Variants in VAX2 observed in about 807,000 individuals in gnomAD.
The protein encoded by VAX2 is ventral anterior homeobox 2.
VAX2 carries 8 observed loss-of-function variants against 12.5 expected under a neutral mutation model. The ratio of observed to expected loss-of-function variants is 0.64; its 90% CI spans 0.37 to 1.15. The LOEUF (loss-of-function observed/expected upper bound fraction) is 1.15. VAX2 is among the 50% of genes most tolerant of loss of function. VAX2 has a pLI of 0.01. For synonymous variants in VAX2, 183 were observed against 187.6 expected, an observed-to-expected ratio of 0.98 and a Z score of 0.20; for missense variants, 476 against 412.9, an observed-to-expected ratio of 1.15 and a Z score of -1.32.
chr2:70,907,792 C>A (rs560666212), intron 1 of VAX2, among the ~76,000 whole-genome samples: 2 of 152,306 alleles, frequency 1.3e-5, no homozygotes, highest in South Asian at 4.1e-4. Flanking sequence ...CAATTCTGGG[C>A]GAGTCCTTCC....
Position 70,918,403 on chromosome 2 carries a change from T to A in VAX2, c.248-2695T>A, listed in dbSNP as rs547262059. On this transcript the variant is annotated intron_variant, in intron 1 of 2. Transcript: ENST00000234392. ...GACGCTTGGAGGGAGGGGCTCAGGG[T>A]AACCCTCTAGAGCAGGGATTCTCAA... 1.1e-4 allele frequency among the ~76,000 whole-genome samples: 17 copies of A among 152,242 alleles called. 1 individual carries two copies. The highest frequency in any genetic ancestry group is 3.4e-4 in the African/African-American group (14 of 41,562).
chr2:70,930,053 G>A (rs982346626), intron 2 of VAX2, among the ~76,000 whole-genome samples: 7 of 152,146 alleles, frequency 4.6e-5, no homozygotes, highest in Admixed American at 1.3e-4. Context: ...ATCTGCATCC[G>A]CCAGGTGCGG....
At chr2:70,922,570 C>A (rs1336083453) in intron 2 of VAX2, among the ~76,000 whole-genome samples, 1 of 151,256 alleles carries the variant, frequency 6.6e-6, no homozygotes, top group Non-Finnish European at 1.5e-5. Context: ...GAGAGGTTAG[C>A]AGGTTCCTCC....
chr2:70,917,804 G>A (rs530984873), intron 1 of VAX2, among the ~76,000 whole-genome samples: 2 of 152,190 alleles, frequency 1.3e-5, no homozygotes, highest in Non-Finnish European at 1.5e-5. Flanking sequence ...CATGTTTAGG[G>A]ACTCAGGCTC....
chr2:70,902,597 TC>T (rs1202138137), intron 1 of VAX2, among the ~76,000 whole-genome samples: 1 of 152,108 alleles, frequency 6.6e-6, no homozygotes, highest in African/African-American at 2.4e-5. Flanking sequence ...GACATTTTCT[TC>T]CCCCCAGGAC....
rs139986921 is a variant in VAX2, at chr2:70,915,662, T to A, written c.248-5436T>A. The stretch of plus-strand genomic sequence containing the variant: ...GATTTGGTCTTTAATCCAGTTGAAA[T>A]GTGTTGTTATTTATGGAGCGAGATA... On this transcript the variant is annotated intron_variant, in intron 1 of 2. Transcript: ENST00000234392. Among the ~76,000 whole-genome samples the A allele has an allele frequency of 2.0e-5, 3 of 152,374 alleles. No individual in the cohort carries two copies. In the East Asian group the frequency reaches 5.8e-4, roughly 29 times the overall value.
In VAX2 at chr2:70,900,683, G is replaced by A; in HGVS notation, c.62G>A (p.Gly21Asp). 8 of 1,298,292 alleles carry A rather than the reference G, an allele frequency of 6.2e-6. No individual in the cohort carries two copies. Among genetic ancestry groups the A allele is most frequent in the Non-Finnish European group, 7.8e-6 (8 of 1,022,438 alleles). The allele number at this position is 1,298,292 out of a possible 1,614,324, so 80.4% of individuals were successfully genotyped here. Residue 21 changes from glycine to aspartate, a missense_variant, in exon 1 of 3, where the codon GGC becomes GAC. Gly to Asp is a moderately conservative substitution (Grantham distance 94, BLOSUM62 -1). Coordinates refer to ENST00000234392, the MANE Select transcript of VAX2 (RefSeq NM_012476.3). Reference protein sequence around the residue: ...GPARRAESGGGGGRCGDRSGA... With the variant: ...GPARRAESGGDGGRCGDRSGA... The stretch of plus-strand genomic sequence containing the variant: ...GCGCGCCGGGCGGAGTCTGGTGGCG[G>A]CGGTGGGCGCTGCGGAGACCGCAGC...
Position 70,900,653 on chromosome 2 carries a change from G to T in VAX2, c.32G>T (p.Gly11Val). 2 of 1,280,150 alleles carry T rather than the reference G, an allele frequency of 1.6e-6. No homozygotes were observed. The highest frequency in any genetic ancestry group is 2.0e-6 in the Non-Finnish European group (2 of 1,013,448). 79.3% of individuals were successfully genotyped at this position (1,280,150 alleles called of 1,614,324 possible). ...GATGGGGGCGCCGAGCGCGACCGGG[G>T]CCCCGCGCGCCGGGCGGAGTCTGGT... MGDGGAERDR[G>V]PARRAESGGG... The change falls in exon 1 of 3, where the codon GGC becomes GTC. Residue 11 changes from glycine to valine, a missense_variant. Transcript: ENST00000234392.
chr2:70,923,978 T>G (rs951483699), intron 2 of VAX2, among the ~76,000 whole-genome samples: 2 of 151,896 alleles, frequency 1.3e-5, no homozygotes, highest in East Asian at 3.9e-4. Context: ...CTAAAAAAAG[T>G]TTTTTAAAAC....
Position 70,900,713 on chromosome 2 carries a change from C to G in VAX2, c.92C>G (p.Ala31Gly), listed in dbSNP as rs1553409596. Reference protein sequence around the residue: ...GGGRCGDRSGAGDLRADGGGH... With the variant: ...GGGRCGDRSGGGDLRADGGGH... ...GGGCGCTGCGGAGACCGCAGCGGAG[C>G]GGGGGACTTGCGAGCTGATGGCGGT... The change falls in exon 1 of 3, where the codon GCG (alanine) becomes GGG (glycine). Residue 31 changes from alanine to glycine, a missense_variant. By Grantham distance (60) the Ala-to-Gly change is moderately conservative. Coordinates refer to ENST00000234392, the MANE Select transcript of VAX2 (RefSeq NM_012476.3). 1.4e-6 allele frequency: 2 copies of G among 1,386,454 alleles called. No individual in the cohort carries two copies. The highest frequency in any genetic ancestry group is 1.5e-5 in the African/African-American group (1 of 66,694). 85.9% of individuals were successfully genotyped at this position (1,386,454 alleles called of 1,614,324 possible). A position where few individuals can be genotyped will look rare whatever the true frequency, so the allele number is the denominator to read the frequency against.
chr2:70,917,023 C>T (rs1450557228), intron 1 of VAX2, among the ~76,000 whole-genome samples: 2 of 151,798 alleles, frequency 1.3e-5, no homozygotes, highest in Non-Finnish European at 2.9e-5. Flanking sequence ...TGGTGGCAGG[C>T]GCCTGTAATC....
chr2:70,910,922 T>G (rs1309834667), intron 1 of VAX2, among the ~76,000 whole-genome samples: 1 of 151,892 alleles, frequency 6.6e-6, no homozygotes, highest in Non-Finnish European at 1.5e-5. Flanking sequence ...GGCTTCTAGA[T>G]TCTAGCTCCT....
chr2:70,915,863 C>G (rs1679296923), intron 1 of VAX2, among the ~76,000 whole-genome samples: 1 of 151,962 alleles, frequency 6.6e-6, no homozygotes, highest in Admixed American at 6.6e-5. Context: ...GCTATTGTTT[C>G]CCCACATGCA....
chr2:70,928,756 C>A (rs1679626277), intron 2 of VAX2, among the ~76,000 whole-genome samples: 2 of 152,240 alleles, frequency 1.3e-5, no homozygotes. Flanking sequence ...GGACTGGAGT[C>A]ATGACATCTG....
intron 2 of VAX2, among the ~76,000 whole-genome samples, chr2:70,925,397 G>T (rs1679545539): frequency 6.6e-6 from 1 of 152,140 alleles, no homozygotes; most frequent in Admixed American, 6.5e-5. Flanking sequence ...TGGATTATAC[G>T]CCCAGGGCAA....
At chr2:70,901,073 A>C (rs1347943802) in intron 1 of VAX2, among the ~76,000 whole-genome samples, 1 of 152,260 alleles carries the variant, frequency 6.6e-6, no homozygotes, top group African/African-American at 2.4e-5. Context: ...AATGGGACCG[A>C]AGCGGTCCCC....
At chr2:70,901,415 G>A (rs1293458662) in intron 1 of VAX2, among the ~76,000 whole-genome samples, 1 of 152,240 alleles carries the variant, frequency 6.6e-6, no homozygotes, top group African/African-American at 2.4e-5. Flanking sequence ...TGGCGTGCGC[G>A]GCGCTAGCCC....
intron 1 of VAX2, among the ~76,000 whole-genome samples, chr2:70,919,283 G>C (rs1011598277): frequency 1.1e-4 from 16 of 151,140 alleles, no homozygotes; most frequent in African/African-American, 3.9e-4. Flanking sequence ...AGAGTTTCTT[G>C]GACACTGCCA....
At chr2:70,901,803 C>G (rs1161559105) in intron 1 of VAX2, among the ~76,000 whole-genome samples, 1 of 152,230 alleles carries the variant, frequency 6.6e-6, no homozygotes, top group Non-Finnish European at 1.5e-5. Context: ...CGACCCCAGG[C>G]CGCGGCCAGA....
Sources: gnomAD v4.1 joint callset for allele counts (sites outside exome capture counted in the v4.1 genomes callset) on GRCh38, gnomAD v4.1.1 for gene constraint, MANE v1.5 for transcripts, NCBI Gene and HGNC (gene_info 2026-07-23, HGNC 2026-07-21) for gene names.